SNRPN: variants seen among roughly 807,000 people sequenced by gnomAD.
SNRPN encodes the protein small nuclear ribonucleoprotein-associated protein N.
Under a neutral mutation model 25.2 loss-of-function variants are expected in SNRPN, and 7 were observed. The observed-to-expected ratio is 0.28, with a 90% CI of 0.16 to 0.52. The LOEUF (loss-of-function observed/expected upper bound fraction) is 0.52. SNRPN is among the 20% of genes least tolerant of loss of function. SNRPN has a pLI of 0.96. For missense variants in SNRPN, 196 were observed against 322.5 expected (o/e 0.61, Z 3.00); for synonymous variants, 124 against 110.6 (o/e 1.12, Z -0.76).
intron 1 of SNRPN, among the ~76,000 whole-genome samples, chr15:24,867,994 CTT>C (rs1277417860): frequency 6.6e-6 from 1 of 151,706 alleles, no homozygotes; most frequent in East Asian, 1.9e-4. Context: ...GAAATAAAAA[CTT>C]TTTCATATTT....
At chr15:24,857,001 G>A (rs569778755) in intron 1 of SNRPN, among the ~76,000 whole-genome samples, 4 of 152,234 alleles carry the variant, frequency 2.6e-5, no homozygotes, top group African/African-American at 9.6e-5. Context: ...GGTTTTTAGT[G>A]TTGTCGAGAA....
At chr15:24,879,088 A>G (rs2056322206) in intron 1 of SNRPN, among the ~76,000 whole-genome samples, 1 of 152,154 alleles carries the variant, frequency 6.6e-6, no homozygotes, top group South Asian at 2.1e-4. Flanking sequence ...GGACAATACT[A>G]CTTTCAGCTA....
At chr15:24,923,223 C>T (rs1178641223) in intron 3 of SNRPN, among the ~76,000 whole-genome samples, 1 of 152,100 alleles carries the variant, frequency 6.6e-6, no homozygotes, top group Non-Finnish European at 1.5e-5. Context: ...CCTTCTATAC[C>T]TGATGATTGT....
upstream of SNRPN, among the ~76,000 whole-genome samples, chr15:24,952,612 T>C (rs142326615): frequency 6.6e-6 from 1 of 151,796 alleles, no homozygotes; most frequent in South Asian, 2.1e-4. Flanking sequence ...CCTAATGGAG[T>C]AGAACAAACA....
At chr15:24,845,285 C>T (rs1056747238) in intron 2 of SNRPN, among the ~76,000 whole-genome samples, 1 of 152,214 alleles carries the variant, frequency 6.6e-6, no homozygotes, top group African/African-American at 2.4e-5. Context: ...ACTATCTTGA[C>T]TAATACCACA....
At chr15:24,878,947 C>G (rs72693671) in intron 1 of SNRPN, among the ~76,000 whole-genome samples, 7,127 of 151,584 alleles carry the variant, frequency 0.047, 211 homozygotes, top group African/African-American at 0.074. Flanking sequence ...CTTTCGAAAC[C>G]CAGAGTTTTA....
chr15:24,851,352 C>T (rs1275483310), intron 2 of SNRPN: 1 of 152,142 alleles, frequency 6.6e-6, no homozygotes. Flanking sequence ...GCTGAGAGCA[C>T]AGGCATCAGA....
intron 3 of SNRPN, among the ~76,000 whole-genome samples, chr15:24,971,341 C>A (rs2732026): frequency 0.31 from 47,832 of 151,864 alleles, 7,937 homozygotes; most frequent in East Asian, 0.52. Context: ...TAAATTTGAC[C>A]ACTCTGCAGT....
chr15:24,905,745 G>C (rs558786715), intron 2 of SNRPN, among the ~76,000 whole-genome samples: 1 of 152,184 alleles, frequency 6.6e-6, no homozygotes, highest in Non-Finnish European at 1.5e-5. Context: ...CTCAGCTTCT[G>C]AGTCCAGAGA....
chr15:24,924,566 G>A (rs766195942), intron 3 of SNRPN, among the ~76,000 whole-genome samples: 2 of 151,936 alleles, frequency 1.3e-5, no homozygotes, highest in Non-Finnish European at 2.9e-5. Flanking sequence ...GCACACCAAA[G>A]CATCATATTT....
At chr15:24,832,707 G>A (rs1471424477) in intron 2 of SNRPN, among the ~76,000 whole-genome samples, 1 of 151,980 alleles carries the variant, frequency 6.6e-6, no homozygotes, top group East Asian at 1.9e-4. Flanking sequence ...TGGCATCTTG[G>A]ACTAAGAGTC....
At chr15:24,899,498 G>A (rs999162781) in intron 2 of SNRPN, among the ~76,000 whole-genome samples, 7 of 152,230 alleles carry the variant, frequency 4.6e-5, no homozygotes, top group African/African-American at 1.2e-4. Flanking sequence ...TCTCTCAGCC[G>A]TTTCCCATAG....
At chr15:24,832,409 G>A (rs938241887) in intron 2 of SNRPN, among the ~76,000 whole-genome samples, 3 of 152,028 alleles carry the variant, frequency 2.0e-5, no homozygotes, top group Admixed American at 6.6e-5. Context: ...TGGGTCGAGT[G>A]GGGACTTGGG....
At chr15:24,954,278 A>G (rs2062504864), upstream of SNRPN, among the ~76,000 whole-genome samples, 1 of 152,180 alleles carries the variant, frequency 6.6e-6, no homozygotes, top group African/African-American at 2.4e-5. Context: ...TAATGTATCC[A>G]ATTCTAATAG....
chr15:24,868,097 G>A (rs1468376511), intron 1 of SNRPN, among the ~76,000 whole-genome samples: 1 of 150,132 alleles, frequency 6.7e-6, no homozygotes, highest in Non-Finnish European at 1.5e-5. Context: ...TTGAGTGTGT[G>A]TGCATGTATA....
At chr15:24,923,202 G>A (rs1015619610) in intron 3 of SNRPN, among the ~76,000 whole-genome samples, 5 of 152,210 alleles carry the variant, frequency 3.3e-5, no homozygotes, top group Middle Eastern at 3.4e-3. Flanking sequence ...CACCATGCGC[G>A]GCTGCAGATC....
At chr15:24,878,056 TTAAC>T (rs2056157191) in intron 1 of SNRPN, among the ~76,000 whole-genome samples, 1 of 152,216 alleles carries the variant, frequency 6.6e-6, no homozygotes, top group African/African-American at 2.4e-5. Context: ...TAGTTGACTC[TTAAC>T]TGTGACACAT....
intron 1 of SNRPN, among the ~76,000 whole-genome samples, chr15:24,867,916 CA>C (rs1263548947): frequency 6.6e-6 from 1 of 151,826 alleles, no homozygotes. Context: ...TCATATGATC[CA>C]ATTTTCTCTT....
At chr15:24,932,128 C>T (rs1224279383) in intron 3 of SNRPN, among the ~76,000 whole-genome samples, 1 of 152,176 alleles carries the variant, frequency 6.6e-6, no homozygotes, top group African/African-American at 2.4e-5. Flanking sequence ...TTTTTTCAGG[C>T]AGGCTATTTA....
Sources: allele counts gnomAD v4.1 joint callset (sites outside exome capture counted in the v4.1 genomes callset), GRCh38; gene constraint gnomAD v4.1.1; transcripts MANE v1.5; gene names NCBI Gene and HGNC (gene_info 2026-07-23, HGNC 2026-07-21).